The following COL24A1 variants were observed in gnomAD, a reference collection of about 807,000 sequenced individuals.
COL24A1 encodes collagen alpha-1(XXIV) chain.
In COL24A1, 224 loss-of-function variants were observed where a neutral mutation model predicts 253.9. The ratio of observed to expected loss-of-function variants is 0.88; its 90% confidence interval spans 0.79 to 0.99. The LOEUF is 0.99. Ranked by LOEUF, COL24A1 falls within the 50% of genes least tolerant of loss-of-function variation. The probability of loss-of-function intolerance (pLI) is 0.00; values close to 1 mark genes in which losing one functional copy is unlikely to be tolerated. For missense variants in COL24A1, 2,131 were observed against 2,068.5 expected (o/e 1.03, Z -0.59); for synonymous variants, 685 against 673.7 (o/e 1.02, Z -0.26).
At chr1:86,110,684 A>G (rs112437498) in intron 5 of COL24A1, among the ~76,000 whole-genome samples, 22,329 of 152,088 alleles carry the variant, frequency 0.15, 1,782 homozygotes, top group South Asian at 0.24. Context: ...CTTAGCACCC[A>G]GGCCAGCAGC....
intron 20 of COL24A1, among the ~76,000 whole-genome samples, chr1:85,978,825 C>T (rs1411084003): frequency 6.6e-6 from 1 of 152,112 alleles, no homozygotes; most frequent in Non-Finnish European, 1.5e-5. Flanking sequence ...CATCTATGCC[C>T]TAGAACAAAT....
At chr1:86,007,895 T>C (rs575740535) in intron 19 of COL24A1, among the ~76,000 whole-genome samples, 58 of 152,292 alleles carry the variant, frequency 3.8e-4, no homozygotes, top group Middle Eastern at 3.4e-3. Flanking sequence ...TAGATCATTA[T>C]ATATTTTTCC....
At chr1:86,005,337 T>A (rs617653) in intron 19 of COL24A1, among the ~76,000 whole-genome samples, 1 of 149,380 alleles carries the variant, frequency 6.7e-6, no homozygotes, top group Non-Finnish European at 1.5e-5. Flanking sequence ...ATATATTAGG[T>A]AAAAAAGAAA....
intron 24 of COL24A1, among the ~76,000 whole-genome samples, chr1:85,913,523 A>T (rs1304583550): frequency 6.6e-6 from 1 of 152,130 alleles, no homozygotes; most frequent in Non-Finnish European, 1.5e-5. Context: ...TTCCAGAGGG[A>T]GGAATGCTTC....
At chr1:86,143,102 T>C (rs578223776) in intron 2 of COL24A1, among the ~76,000 whole-genome samples, 1 of 152,262 alleles carries the variant, frequency 6.6e-6, no homozygotes, top group Admixed American at 6.5e-5. Flanking sequence ...TTCTCAGAAA[T>C]GGAATGTTGT....
intron 2 of COL24A1, among the ~76,000 whole-genome samples, 167 bp downstream of exon 2, chr1:86,145,952 C>T (rs1282764120): frequency 6.6e-6 from 1 of 151,850 alleles, no homozygotes; most frequent in Non-Finnish European, 1.5e-5. Context: ...GTCGTATTTC[C>T]CCTCAAAATT....
intron 31 of COL24A1, among the ~76,000 whole-genome samples, chr1:85,892,515 A>T (rs1683235545): frequency 6.6e-6 from 1 of 152,098 alleles, no homozygotes; most frequent in Admixed American, 6.5e-5. Context: ...GGAAACACAA[A>T]TCTTCAGAAA....
intron 3 of COL24A1, among the ~76,000 whole-genome samples, chr1:86,118,311 C>T (rs1002496419): frequency 7.2e-5 from 11 of 152,122 alleles, no homozygotes; most frequent in African/African-American, 2.2e-4. Context: ...GATCCCCCTG[C>T]CTTGGCCTCC....
chr1:85,998,201 A>G (rs945017362), intron 19 of COL24A1, among the ~76,000 whole-genome samples: 3 of 152,184 alleles, frequency 2.0e-5, no homozygotes, highest in Non-Finnish European at 4.4e-5. Context: ...GTGCTTTTAC[A>G]AATGCTGTTT....
At chr1:85,831,890 G>T (rs981372971) in intron 43 of COL24A1, among the ~76,000 whole-genome samples, 1 of 152,168 alleles carries the variant, frequency 6.6e-6, no homozygotes, top group East Asian at 1.9e-4. Context: ...ATGAGAGCCT[G>T]ATGGTAGTTT....
intron 53 of COL24A1, among the ~76,000 whole-genome samples, chr1:85,763,316 G>T (rs1195211931): frequency 6.6e-6 from 1 of 151,660 alleles, no homozygotes; most frequent in Non-Finnish European, 1.5e-5. Flanking sequence ...TACTCGGGAG[G>T]CTGAGGCACA....
At chr1:85,982,592 C>A (rs1693363170) in intron 20 of COL24A1, among the ~76,000 whole-genome samples, 1 of 151,554 alleles carries the variant, frequency 6.6e-6, no homozygotes, top group Non-Finnish European at 1.5e-5. Flanking sequence ...TCCAACCAAT[C>A]TGACTAAAAT....
At chr1:86,141,680 T>C (rs1159568671) in intron 2 of COL24A1, among the ~76,000 whole-genome samples, 4 of 152,022 alleles carry the variant, frequency 2.6e-5, no homozygotes, top group African/African-American at 9.7e-5. Flanking sequence ...AAACAGTTGT[T>C]AAGCATATTT....
intron 35 of COL24A1, among the ~76,000 whole-genome samples, chr1:85,870,750 G>T (rs549864446): frequency 2.0e-5 from 3 of 152,124 alleles, no homozygotes; most frequent in Non-Finnish European, 2.9e-5. Flanking sequence ...AAGCAGGAAA[G>T]ATCTAAAATT....
intron 7 of COL24A1, among the ~76,000 whole-genome samples, chr1:86,073,995 C>T (rs1702064929): frequency 6.6e-6 from 1 of 152,118 alleles, no homozygotes; most frequent in South Asian, 2.1e-4. Flanking sequence ...TCAGTACCAG[C>T]CACTGCAAAA....
At chr1:86,135,756 GT>G (rs1395553455) in intron 2 of COL24A1, among the ~76,000 whole-genome samples, 1 of 151,886 alleles carries the variant, frequency 6.6e-6, no homozygotes, top group Non-Finnish European at 1.5e-5. Context: ...CTTTGTGTAG[GT>G]GATAAGGGGG....
intron 10 of COL24A1, among the ~76,000 whole-genome samples, chr1:86,054,880 T>C (rs1700558616): frequency 6.6e-6 from 1 of 152,074 alleles, no homozygotes; most frequent in South Asian, 2.1e-4. Flanking sequence ...AGAAAAGACA[T>C]GGAATCAACC....
intron 47 of COL24A1, among the ~76,000 whole-genome samples, chr1:85,786,847 T>C (rs1183844572): frequency 6.6e-6 from 1 of 152,180 alleles, no homozygotes; most frequent in African/African-American, 2.4e-5. Flanking sequence ...GAAAATTCTA[T>C]TCCTCAACCA....
At chr1:86,022,439 C>T (rs1697631562) in intron 17 of COL24A1, 99 bp downstream of exon 17, 1 of 1,315,416 alleles carries the variant, frequency 7.6e-7, no homozygotes, top group Non-Finnish European at 1.1e-6. Context: ...CATATTGATA[C>T]CACATTCTAA....
Sources: gnomAD v4.1 joint callset for allele counts (sites outside exome capture counted in the v4.1 genomes callset) on GRCh38, gnomAD v4.1.1 for gene constraint, MANE v1.5 for transcripts, NCBI Gene and HGNC (gene_info 2026-07-23, HGNC 2026-07-21) for gene names.